The following CDH7 variants were observed in gnomAD, a reference collection of about 807,000 sequenced individuals.
The protein encoded by CDH7 is cadherin 7, also known as cadherin-7.
In CDH7, 25 loss-of-function variants were observed where a neutral mutation model predicts 71.8. That is an observed-to-expected ratio of 0.35 (90% CI 0.25 to 0.49). The LOEUF (loss-of-function observed/expected upper bound fraction) is 0.49, where lower values mean the gene tolerates loss of function less well. Among genes scored for constraint, CDH7 ranks in the 20% least tolerant of loss-of-function variants. CDH7 has a pLI of 0.99. For synonymous variants in CDH7, 381 were observed against 363.8 expected (o/e 1.05, Z -0.54); for missense variants, 862 against 974.6 (o/e 0.88, Z 1.54).
chr18:65,821,358 A>G (rs1568203491), intron 4 of CDH7, among the ~76,000 whole-genome samples: 1 of 152,002 alleles, frequency 6.6e-6, no homozygotes, highest in Admixed American at 6.6e-5. Flanking sequence ...ATTTGTATAT[A>G]TTTTTTTCAT....
At chr18:65,808,753 G>A (rs1911418732) in intron 2 of CDH7, among the ~76,000 whole-genome samples, 1 of 152,100 alleles carries the variant, frequency 6.6e-6, no homozygotes, top group African/African-American at 2.4e-5. Context: ...TAAGGGCAGT[G>A]AAAAGCTTTA....
chr18:65,814,369 A>G, intron 3 of CDH7, 116 bp from the exon 4 acceptor site: 1 of 1,194,112 alleles, frequency 8.4e-7, no homozygotes, highest in Non-Finnish European at 1.2e-6. Flanking sequence ...GTGTCTTGAA[A>G]AAGATAAATG....
At chr18:65,851,215 C>T (rs552630581) in intron 7 of CDH7, among the ~76,000 whole-genome samples, 105 of 152,176 alleles carry the variant, frequency 6.9e-4, no homozygotes, top group African/African-American at 2.3e-3. Context: ...AAATATGGTT[C>T]CAGGAATTTA....
chr18:65,833,332 A>C (rs1392135235), intron 6 of CDH7, among the ~76,000 whole-genome samples: 1 of 152,322 alleles, frequency 6.6e-6, no homozygotes, highest in Admixed American at 6.5e-5. Context: ...TATTTCATTT[A>C]GTATTTCATA....
chr18:65,867,005 A>G (rs1172558719), intron 11 of CDH7, among the ~76,000 whole-genome samples: 1 of 151,912 alleles, frequency 6.6e-6, no homozygotes, highest in Non-Finnish European at 1.5e-5. Context: ...AAATTTCATC[A>G]ACATATGGCA....
intron 10 of CDH7, 46 bp downstream of exon 10, chr18:65,859,871 C>G (rs994034187): frequency 1.8e-6 from 2 of 1,109,670 alleles, no homozygotes; most frequent in Non-Finnish European, 1.4e-6. Flanking sequence ...GGTACAGATA[C>G]TCTAAGCAAG....
Position 65,864,889 on chromosome 18 carries a change from TAAA to T in CDH7, c.1864+1995_1864+1997del, listed in dbSNP as rs1191269381. 8.2e-3 allele frequency among the ~76,000 whole-genome samples: 707 copies of T among 85,918 alleles called. 5 individuals carry two copies. The highest frequency in any genetic ancestry group is 0.053 in the Middle Eastern group (7 of 132). 56.4% of individuals were successfully genotyped at this position (85,918 alleles called of 152,430 possible). On this transcript the variant is annotated intron_variant, in intron 11 of 11. Coordinates refer to ENST00000397968, the MANE Select transcript of CDH7 (RefSeq NM_004361.5). Reference sequence around the variant, plus strand: ...CTGGATGACAGAGCGAGACTCCATCTAAAAAAAAAAAAAAAAAAAAAAAAATCC... The same window carrying T: ...CTGGATGACAGAGCGAGACTCCATCTAAAAAAAAAAAAAAAAAAAAAATCC...
intron 1 of CDH7, among the ~76,000 whole-genome samples, chr18:65,751,352 G>A (rs1458583508): frequency 6.6e-6 from 1 of 152,258 alleles, no homozygotes; most frequent in African/African-American, 2.4e-5. Flanking sequence ...GTGGACGGAG[G>A]CGGGGGCGTT....
chr18:65,870,357 C>CTTTT, intron 11 of CDH7, among the ~76,000 whole-genome samples: 1 of 152,302 alleles, frequency 6.6e-6, no homozygotes, highest in South Asian at 2.1e-4. Flanking sequence ...TCCTTCAGAT[C>CTTTT]TTTACTTAAA....
In CDH7 at chr18:65,883,809, T is replaced by C. The variant is rs1914298142; in HGVS notation, c.*2915T>C. 6.6e-6 allele frequency: 1 copy of C among 152,118 alleles called. No individual in the cohort carries two copies. Among genetic ancestry groups the C allele is most frequent in the Non-Finnish European group, 1.5e-5 (1 of 67,976 alleles). The allele number at this position is 152,118 out of a possible 1,614,324, so 9.4% of individuals were successfully genotyped here. ...ATTTATATGATTTAAAATAATGACA[T>C]GAAAGGAATTTATGCTATATTTTAC... On this transcript the variant is annotated 3_prime_UTR_variant, in exon 12 of 12. Transcript: ENST00000397968.
At chr18:65,825,737 T>C (rs1912106543) in intron 6 of CDH7, among the ~76,000 whole-genome samples, 1 of 151,896 alleles carries the variant, frequency 6.6e-6, no homozygotes, top group African/African-American at 2.4e-5. Context: ...GGAAAACATA[T>C]GTTTGATTTC....
At chr18:65,785,521 T>G (rs1370265888) in intron 2 of CDH7, among the ~76,000 whole-genome samples, 1 of 151,988 alleles carries the variant, frequency 6.6e-6, no homozygotes, top group African/African-American at 2.4e-5. Flanking sequence ...AATAAATTCT[T>G]AGCCTGCATT....
chr18:65,876,637 A>G (rs919059450), intron 11 of CDH7, among the ~76,000 whole-genome samples: 5 of 151,978 alleles, frequency 3.3e-5, no homozygotes, highest in Non-Finnish European at 7.4e-5. Flanking sequence ...ATCTGTATCT[A>G]TTTCCCCTAG....
intron 1 of CDH7, among the ~76,000 whole-genome samples, chr18:65,758,897 C>T (rs980544965): frequency 2.6e-5 from 4 of 152,154 alleles, no homozygotes; most frequent in Non-Finnish European, 4.4e-5. Flanking sequence ...ACTACAGATA[C>T]GATAGGGTAG....
chr18:65,810,076 G>T, intron 3 of CDH7, 78 bp downstream of exon 3: 4 of 1,113,648 alleles, frequency 3.6e-6, no homozygotes, highest in African/African-American at 2.2e-5. Context: ...TCATCATTAA[G>T]TACTGAAAAA....
intron 5 of CDH7, among the ~76,000 whole-genome samples, chr18:65,823,426 T>C (rs967428022): frequency 2.6e-5 from 4 of 151,922 alleles, no homozygotes; most frequent in African/African-American, 9.7e-5. Flanking sequence ...TAAAATTATG[T>C]AGAATTTTAG....
chr18:65,880,559 A>T lies in CDH7; in HGVS notation c.2023A>T (p.Asn675Tyr), dbSNP rs1319981190. The change falls in exon 12 of 12, where the codon AAC becomes TAC. Residue 675 changes from asparagine to tyrosine, a missense_variant. Asn to Tyr is a moderately radical substitution (Grantham distance 143). Coordinates refer to ENST00000397968, the MANE Select transcript of CDH7 (RefSeq NM_004361.5). The part of the protein sequence containing the change: ...AFDMAALRNL[N>Y]VIRDTKTRRD... ...TGACATGGCTGCACTGAGAAACCTC[A>T]ACGTCATCCGAGACACCAAGACCCG... 1 of 1,613,764 alleles carries T rather than the reference A, an allele frequency of 6.2e-7. No homozygotes were observed. Among genetic ancestry groups the T allele is most frequent in the Non-Finnish European group, 8.5e-7 (1 of 1,179,802 alleles).
chr18:65,824,582 T>G, intron 5 of CDH7, 62 bp from the exon 6 acceptor site: 1 of 1,087,264 alleles, frequency 9.2e-7, no homozygotes, highest in East Asian at 2.6e-5. Flanking sequence ...AATAACCCAA[T>G]ATTTAAATTT....
In CDH7 at chr18:65,886,887, A is replaced by C. The variant is rs2144085030; in HGVS notation, c.*5993A>C. 1 of 152,274 alleles carries C rather than the reference A, an allele frequency of 6.6e-6. No individual in the cohort carries two copies. The highest frequency in any genetic ancestry group is 6.5e-5 in the Admixed American group (1 of 15,300). 9.4% of individuals were successfully genotyped at this position (152,274 alleles called of 1,614,324 possible). ...AAGAAACTCTAGGAAACTAAAAAAT[A>C]ATATATAATGGATATTACTTTTTGT... On this transcript the variant is annotated 3_prime_UTR_variant, in exon 12 of 12. Transcript: ENST00000397968.
Sources: allele counts gnomAD v4.1 joint callset (sites outside exome capture counted in the v4.1 genomes callset), GRCh38; gene constraint gnomAD v4.1.1; transcripts MANE v1.5; gene names NCBI Gene and HGNC (gene_info 2026-07-23, HGNC 2026-07-21).